The following TDRD5 variants were observed in gnomAD, a reference collection of about 807,000 sequenced individuals.
The protein encoded by TDRD5 is tudor domain-containing protein 5.
Under a neutral mutation model 120.6 loss-of-function variants are expected in TDRD5, and 41 were observed. The ratio of observed to expected loss-of-function variants is 0.34; its 90% CI spans 0.26 to 0.44. The LOEUF is 0.44. TDRD5 is among the 20% of genes least tolerant of loss of function. The pLI, the probability that TDRD5 is intolerant of heterozygous loss-of-function variation, is 1.00. For synonymous variants in TDRD5, 430 were observed against 433.7 expected (o/e 0.99, Z 0.11); for missense variants, 1,006 against 1,221.2 (o/e 0.82, Z 2.63).
rs778095023 is a variant in TDRD5 at position 179,691,110 on chromosome 1, TGTAA to T, written c.*175_*178del. ...ATTATGCTAACAGTCTACTTTGATG[TGTAA>T]GTAAGTATTGATATTTACTGTTAAT... On this transcript the variant is annotated 3_prime_UTR_variant, in exon 18 of 18. Transcript: ENST00000444136. The T allele has an allele frequency of 2.4e-5, 20 of 822,716 alleles. No homozygotes were observed. Among genetic ancestry groups the T allele is most frequent in the Admixed American group, 6.5e-5 (2 of 30,634 alleles). 51.0% of individuals were successfully genotyped at this position (822,716 alleles called of 1,614,324 possible). A position where few individuals can be genotyped will look rare whatever the true frequency, so the allele number is the denominator to read the frequency against.
In TDRD5 at chr1:179,595,578, T is replaced by C; in HGVS notation, c.641-50T>C. ...TGTATGTAGCCACCGGAAAATGAAA[T>C]AGAAGTTGCTAGTGACAATTTTTCT... On this transcript the variant is annotated intron_variant, in intron 3 of 17. Coordinates refer to ENST00000444136, the MANE Select transcript of TDRD5 (RefSeq NM_001199085.3). The C allele has an allele frequency of 2.0e-6, 3 of 1,479,100 alleles. No individual in the cohort carries two copies. In the South Asian group the frequency reaches 4.2e-5, roughly 21 times the overall value. 91.6% of individuals were successfully genotyped at this position (1,479,100 alleles called of 1,614,324 possible). A position where few individuals can be genotyped will look rare whatever the true frequency, so the allele number is the denominator to read the frequency against.
At chr1:179,648,212 G>T (rs1327696442) in intron 11 of TDRD5, among the ~76,000 whole-genome samples, 1 of 145,224 alleles carries the variant, frequency 6.9e-6, no homozygotes, top group African/African-American at 2.5e-5. Context: ...GTCCAACAAC[G>T]ATAGACTGGA....
chr1:179,680,208 A>C (rs1189037289), intron 17 of TDRD5, among the ~76,000 whole-genome samples: 1 of 152,150 alleles, frequency 6.6e-6, no homozygotes, highest in Non-Finnish European at 1.5e-5. Flanking sequence ...TGACACTTTT[A>C]TAGCCTACAG....
chr1:179,641,768 A>G (rs555526182), intron 11 of TDRD5, among the ~76,000 whole-genome samples: 1 of 152,264 alleles, frequency 6.6e-6, no homozygotes, highest in African/African-American at 2.4e-5. Context: ...TAAGTTCTCA[A>G]TTTTAATGGA....
Position 179,634,119 on chromosome 1 carries a change from C to T in TDRD5, c.1127-338C>T, listed in dbSNP as rs187354356. On this transcript the variant is annotated intron_variant, in intron 7 of 17. Coordinates refer to ENST00000444136, the MANE Select transcript of TDRD5 (RefSeq NM_001199085.3). ...CCAGGAGGCGGAACTTGCAGTGAGC[C>T]GAGATCGCACCACTGCACTCCAGTC... Among the ~76,000 whole-genome samples the T allele has an allele frequency of 1.5e-4, 22 of 149,754 alleles. No individual in the cohort carries two copies. In the East Asian group the frequency reaches 3.9e-3, roughly 27 times the overall value.
Position 179,623,100 on chromosome 1 carries a change from A to C in TDRD5, c.972+2009A>C, listed in dbSNP as rs190034502. Among the ~76,000 whole-genome samples the C allele has an allele frequency of 3.8e-3, 575 of 152,342 alleles. 6 individuals carry two copies. Among genetic ancestry groups the C allele is most frequent in the African/African-American group, 0.012 (518 of 41,586 alleles). On this transcript the variant is annotated intron_variant, in intron 6 of 17. Coordinates refer to ENST00000444136, the MANE Select transcript of TDRD5 (RefSeq NM_001199085.3). ...ATGGAATGACATCTTTAATGTACTCAAAAGAAAAGTACTGTTAACCCAATA... is the reference window on the plus strand; with the variant it reads ...ATGGAATGACATCTTTAATGTACTCCAAAGAAAAGTACTGTTAACCCAATA...
Position 179,605,273 on chromosome 1 carries a change from A to G in TDRD5, c.831+9455A>G, listed in dbSNP as rs954698496. ...TAAGTTATGTGAGTCCTTATGTGTT[A>G]GGTGAGTCTCCTGAAGGCAGCAGAT... On this transcript the variant is annotated intron_variant, in intron 4 of 17. Coordinates refer to ENST00000444136, the MANE Select transcript of TDRD5 (RefSeq NM_001199085.3). Among the ~76,000 whole-genome samples the G allele has an allele frequency of 5.9e-5, 9 of 152,176 alleles. No homozygotes were observed. The East Asian group carries it at 1.7e-3, about 29-fold the overall frequency.
At chr1:179,611,910 G>T (rs892150346) in intron 4 of TDRD5, among the ~76,000 whole-genome samples, 2 of 152,216 alleles carry the variant, frequency 1.3e-5, no homozygotes, top group African/African-American at 2.4e-5. Context: ...AGGGGGTGTG[G>T]GTTCTAATTC....
intron 4 of TDRD5, among the ~76,000 whole-genome samples, chr1:179,617,113 G>A (rs544761591): frequency 3.9e-5 from 6 of 152,118 alleles, no homozygotes; most frequent in Non-Finnish European, 8.8e-5. Context: ...TAAAGCTAAC[G>A]ATATAATCAT....
At position 179,662,322 on chromosome 1, in the gene TDRD5, C is replaced by T. The variant is rs370291319; in HGVS notation, c.2505+36C>T. ...TGGAAAAATAGAAAGCAAATCAGGC[C>T]GGGCACTGCGGCTCAAGCCTGTAAT... On this transcript the variant is annotated intron_variant, in intron 15 of 17. Transcript: ENST00000444136. 159 of 1,583,860 alleles carry T rather than the reference C, an allele frequency of 1.0e-4. 1 individual carries two copies. The highest frequency in any genetic ancestry group is 6.9e-4 in the South Asian group (60 of 86,618).
intron 14 of TDRD5, among the ~76,000 whole-genome samples, chr1:179,655,347 T>C (rs989916364): frequency 1.3e-5 from 2 of 152,234 alleles, no homozygotes; most frequent in Non-Finnish European, 2.9e-5. Context: ...TTTACATTAC[T>C]GTGACTATGT....
At chr1:179,654,838 CT>C (rs1678916517) in intron 14 of TDRD5, among the ~76,000 whole-genome samples, 1 of 151,768 alleles carries the variant, frequency 6.6e-6, no homozygotes, top group Non-Finnish European at 1.5e-5. Flanking sequence ...GCAATATAAC[CT>C]TGATCATAAA....
At chr1:179,660,144 G>A (rs911432063) in intron 14 of TDRD5, among the ~76,000 whole-genome samples, 1 of 148,856 alleles carries the variant, frequency 6.7e-6, no homozygotes, top group African/African-American at 2.5e-5. Flanking sequence ...TCATTCATCT[G>A]CCTCCTCTTT....
chr1:179,644,348 A>C (rs1678222279), intron 11 of TDRD5, among the ~76,000 whole-genome samples: 1 of 152,182 alleles, frequency 6.6e-6, no homozygotes, highest in East Asian at 1.9e-4. Context: ...TTTATAGCAT[A>C]TGTTGATGTA....
At chr1:179,607,029 G>A (rs1676017347) in intron 4 of TDRD5, among the ~76,000 whole-genome samples, 1 of 152,128 alleles carries the variant, frequency 6.6e-6, no homozygotes, top group Non-Finnish European at 1.5e-5. Context: ...AAGTTGGGAA[G>A]AGCTAACATC....
intron 11 of TDRD5, among the ~76,000 whole-genome samples, chr1:179,644,871 A>C (rs556630384): frequency 6.6e-6 from 1 of 151,152 alleles, no homozygotes; most frequent in Non-Finnish European, 1.5e-5. Context: ...CCTTAATTCT[A>C]CTTTCTTTGG....
intron 4 of TDRD5, among the ~76,000 whole-genome samples, chr1:179,613,148 A>G (rs796441937): frequency 3.9e-5 from 6 of 152,296 alleles, no homozygotes; most frequent in African/African-American, 1.4e-4. Flanking sequence ...TAGTTTTTAC[A>G]TGAATTAGAT....
chr1:179,658,669 C>G (rs1679128919), intron 14 of TDRD5, among the ~76,000 whole-genome samples: 1 of 152,062 alleles, frequency 6.6e-6, no homozygotes, highest in Non-Finnish European at 1.5e-5. Flanking sequence ...TGTCTTCTCC[C>G]CTTTTCATTA....
At chr1:179,632,403 T>G (rs886585072) in intron 7 of TDRD5, among the ~76,000 whole-genome samples, 14 of 151,948 alleles carry the variant, frequency 9.2e-5, no homozygotes, top group Non-Finnish European at 1.9e-4. Context: ...GTTTTGTTTT[T>G]TTTTTTTCAA....
Sources: allele counts gnomAD v4.1 joint callset (sites outside exome capture counted in the v4.1 genomes callset), GRCh38; gene constraint gnomAD v4.1.1; transcripts MANE v1.5; gene names NCBI Gene and HGNC (gene_info 2026-07-23, HGNC 2026-07-21).